The following DPY19L2 variants were observed in gnomAD, a reference collection of about 807,000 sequenced individuals.
DPY19L2 encodes probable C-mannosyltransferase DPY19L2.
Under a neutral mutation model 97.9 loss-of-function variants are expected in DPY19L2, and 34 were observed. The observed-to-expected ratio is 0.35, with a 90% CI of 0.26 to 0.46. The LOEUF is 0.46. DPY19L2 is among the 20% of genes least tolerant of loss of function. The probability of loss-of-function intolerance (pLI) is 1.00; values close to 1 mark genes in which losing one functional copy is unlikely to be tolerated. For missense variants in DPY19L2, 623 were observed against 911.4 expected, an observed-to-expected ratio of 0.68 and a Z score of 4.07; for synonymous variants, 230 against 307.9, an observed-to-expected ratio of 0.75 and a Z score of 2.65.
Position 63,594,073 on chromosome 12 carries a change from G to C in DPY19L2, c.1580+14C>G. The C allele has an allele frequency of 6.8e-7, 1 of 1,477,484 alleles. No homozygotes were observed. The highest frequency in any genetic ancestry group is 9.3e-7 in the Non-Finnish European group (1 of 1,078,168). The allele number at this position is 1,477,484 out of a possible 1,614,324, so 91.5% of individuals were successfully genotyped here. ...GAATACTGTATGTTTTAAAAACAAT[G>C]ATGATATAATTACCTTAGATAAATG... On this transcript the variant is annotated intron_variant, in intron 16 of 21. Coordinates refer to ENST00000324472, the MANE Select transcript of DPY19L2 (RefSeq NM_173812.5).
intron 6 of DPY19L2, among the ~76,000 whole-genome samples, chr12:63,626,782 C>A (rs183490353): frequency 1.1e-4 from 16 of 152,016 alleles, no homozygotes; most frequent in Middle Eastern, 6.8e-3. Context: ...AAGGTGTGAA[C>A]ATAATTTTTT....
At chr12:63,630,105 C>T (rs555705460) in intron 6 of DPY19L2, among the ~76,000 whole-genome samples, 16 of 152,260 alleles carry the variant, frequency 1.1e-4, no homozygotes, top group Admixed American at 3.9e-4. Context: ...CCAGCCACTG[C>T]TAAAACATGC....
chr12:63,637,902 CA>C (rs1305540195), intron 6 of DPY19L2, among the ~76,000 whole-genome samples: 1 of 151,838 alleles, frequency 6.6e-6, no homozygotes, highest in Admixed American at 6.6e-5. Context: ...AGAGACACAA[CA>C]AAAAAAGAGA....
chr12:63,632,849 A>C (rs1233809511), intron 6 of DPY19L2, among the ~76,000 whole-genome samples: 4 of 152,180 alleles, frequency 2.6e-5, no homozygotes, highest in Non-Finnish European at 5.9e-5. Context: ...ACAGCATGGT[A>C]CTGGTACCAA....
chr12:63,651,831 A>C, intron 4 of DPY19L2: 1 of 321,230 alleles, frequency 3.1e-6, no homozygotes, highest in Non-Finnish European at 6.1e-6. Flanking sequence ...ACTGGCTGTC[A>C]GCAGCGATGG....
intron 11 of DPY19L2, among the ~76,000 whole-genome samples, chr12:63,609,144 A>G (rs904424115): frequency 6.6e-6 from 1 of 152,144 alleles, no homozygotes; most frequent in Non-Finnish European, 1.5e-5. Flanking sequence ...TATTATTTTT[A>G]AAAAATACAA....
At chr12:63,654,124 T>C (rs7316892) in intron 4 of DPY19L2, among the ~76,000 whole-genome samples, 37,175 of 151,930 alleles carry the variant, frequency 0.24, 4,944 homozygotes, top group East Asian at 0.45. Context: ...AGAAGGAATG[T>C]TGGAACATCA....
At chr12:63,595,771 T>C (rs1333693697) in intron 15 of DPY19L2, among the ~76,000 whole-genome samples, 195 bp downstream of exon 15, 1 of 152,146 alleles carries the variant, frequency 6.6e-6, no homozygotes, top group Non-Finnish European at 1.5e-5. Flanking sequence ...GGTATGTATC[T>C]TTTGAAAGAA....
At chr12:63,662,679 C>A (rs1484019660) in intron 3 of DPY19L2, among the ~76,000 whole-genome samples, 1 of 152,162 alleles carries the variant, frequency 6.6e-6, no homozygotes, top group African/African-American at 2.4e-5. Flanking sequence ...AAGCGCAGAA[C>A]TGCTATTAGA....
intron 6 of DPY19L2, among the ~76,000 whole-genome samples, chr12:63,636,588 C>G (rs1891748907): frequency 1.3e-5 from 2 of 151,916 alleles, no homozygotes; most frequent in African/African-American, 4.8e-5. Context: ...GAAGATCTAC[C>G]AAGCAAACAG....
At chr12:63,589,015 A>G (rs1429352650) in intron 16 of DPY19L2, among the ~76,000 whole-genome samples, 1 of 152,080 alleles carries the variant, frequency 6.6e-6, no homozygotes, top group Admixed American at 6.5e-5. Flanking sequence ...GGCCTCCCAA[A>G]ATGCTGGTAT....
At chr12:63,625,397 GAA>G (rs754194503) in intron 7 of DPY19L2, among the ~76,000 whole-genome samples, 3 of 132,140 alleles carry the variant, frequency 2.3e-5, no homozygotes, top group African/African-American at 2.8e-5. Flanking sequence ...ACTCTATCTT[GAA>G]AAAAAAAAAA....
chr12:63,585,660 A>G (rs1383880416), intron 16 of DPY19L2, among the ~76,000 whole-genome samples: 1 of 152,114 alleles, frequency 6.6e-6, no homozygotes, highest in African/African-American at 2.4e-5. Context: ...GAACCCTGAA[A>G]GTAACTACTG....
intron 4 of DPY19L2, among the ~76,000 whole-genome samples, chr12:63,660,518 G>A (rs1414503648): frequency 6.6e-6 from 1 of 151,838 alleles, no homozygotes; most frequent in Non-Finnish European, 1.5e-5. Flanking sequence ...CAGAACAAAG[G>A]TGATTTTAAC....
At chr12:63,579,998 G>A (rs139632423) in intron 19 of DPY19L2, among the ~76,000 whole-genome samples, 4,738 of 152,086 alleles carry the variant, frequency 0.031, 375 homozygotes, top group East Asian at 0.27. Flanking sequence ...TACAGAAAAT[G>A]TTATAGACTT....
chr12:63,657,395 A>C (rs370552244), intron 4 of DPY19L2, among the ~76,000 whole-genome samples: 1 of 152,074 alleles, frequency 6.6e-6, no homozygotes, highest in East Asian at 1.9e-4. Flanking sequence ...TTCCACTGTG[A>C]TTTTTACCAA....
Position 63,619,577 on chromosome 12 carries a change from T to C in DPY19L2, c.1054-1349A>G, listed in dbSNP as rs1245300838. On this transcript the variant is annotated intron_variant, in intron 9 of 21. Transcript: ENST00000324472. ...CCCAGGCTGGAGTGCAGTAGTGCAATCTCGGCTCACTACAACCTCCACCTC... is the reference window on the plus strand; with the variant it reads ...CCCAGGCTGGAGTGCAGTAGTGCAACCTCGGCTCACTACAACCTCCACCTC... 2.0e-5 allele frequency among the ~76,000 whole-genome samples: 3 copies of C among 151,932 alleles called. No individual in the cohort carries two copies. In the East Asian group the frequency reaches 5.8e-4, roughly 29 times the overall value.
intron 7 of DPY19L2, among the ~76,000 whole-genome samples, chr12:63,624,886 T>C (rs1235822656): frequency 6.6e-6 from 1 of 152,084 alleles, no homozygotes; most frequent in Non-Finnish European, 1.5e-5. Context: ...ATTGTAAATG[T>C]TGGAAGAGGA....
intron 16 of DPY19L2, among the ~76,000 whole-genome samples, chr12:63,589,871 G>C (rs1012084350): frequency 2.0e-5 from 3 of 152,160 alleles, no homozygotes; most frequent in African/African-American, 4.8e-5. Flanking sequence ...GCTCATGCCT[G>C]CAATCCCAGC....
Sources: gnomAD v4.1 joint callset for allele counts (sites outside exome capture counted in the v4.1 genomes callset) on GRCh38, gnomAD v4.1.1 for gene constraint, MANE v1.5 for transcripts, NCBI Gene and HGNC (gene_info 2026-07-23, HGNC 2026-07-21) for gene names.